ERCC6: variants seen among roughly 807,000 people sequenced by gnomAD.
ERCC6 encodes the protein DNA excision repair protein ERCC-6.
Under a neutral mutation model 158.7 loss-of-function variants are expected in ERCC6, and 116 were observed. The ratio of observed to expected loss-of-function variants is 0.73; its 90% confidence interval spans 0.63 to 0.85. ERCC6 has a LOEUF of 0.85. Among genes scored for constraint, ERCC6 ranks in the 40% least tolerant of loss-of-function variants. The pLI is 0.00. For missense variants in ERCC6, 1,698 were observed against 1,799.4 expected, an observed-to-expected ratio of 0.94 and a Z score of 1.02; for synonymous variants, 678 against 659.3, an observed-to-expected ratio of 1.03 and a Z score of -0.43.
chr10:49,481,301 C>T (rs1022689381), intron 10 of ERCC6, among the ~76,000 whole-genome samples: 2 of 151,936 alleles, frequency 1.3e-5, no homozygotes, highest in Non-Finnish European at 2.9e-5. Context: ...ATTCTTGCAA[C>T]TTTCTGTTAA....
At position 49,460,451 on chromosome 10, in the gene ERCC6, C is replaced by T; in HGVS notation, c.3984G>A (p.Lys1328=). ...AATTCCTTTTCTTACCAAATCTACT[C>T]CTAAAAAAGGAAAAGCATCACAGTA... The part of the protein sequence containing the change: ...RGISGAPAGK[K]SRFGKKRNSN... The change falls in exon 20 of 21, where the codon AAG becomes AAA. Residue 1328 remains lysine (K), a splice_region_variant and synonymous_variant. Transcript: ENST00000355832. The T allele has an allele frequency of 1.2e-6, 2 of 1,606,170 alleles. No individual in the cohort carries two copies. Among genetic ancestry groups the T allele is most frequent in the Non-Finnish European group, 1.7e-6 (2 of 1,172,886 alleles).
intron 18 of ERCC6, among the ~76,000 whole-genome samples, chr10:49,466,633 T>C (rs1850680037): frequency 6.6e-6 from 1 of 152,220 alleles, no homozygotes; most frequent in East Asian, 1.9e-4. Flanking sequence ...CACCGTCAAA[T>C]ACCCCATGCC....
chr10:49,477,139 C>A (rs193087857), intron 11 of ERCC6, among the ~76,000 whole-genome samples: 41 of 152,238 alleles, frequency 2.7e-4, no homozygotes, highest in Admixed American at 1.9e-3. Flanking sequence ...CCCAAGCCAC[C>A]CGCAACTCTG....
intron 7 of ERCC6, 136 bp downstream of exon 7, chr10:49,500,402 T>A: frequency 9.5e-7 from 1 of 1,048,684 alleles, no homozygotes; most frequent in African/African-American, 1.6e-5. Flanking sequence ...TCCTTTGATG[T>A]CCCCCACTAA....
chr10:49,448,066 G>T, the ERCC6 span, among the ~76,000 whole-genome samples: 4 of 152,164 alleles, frequency 2.6e-5, no homozygotes, highest in Non-Finnish European at 2.9e-5. Flanking sequence ...AAGTATAATT[G>T]TTGGATCATA....
intron 7 of ERCC6, among the ~76,000 whole-genome samples, chr10:49,496,337 T>C (rs1473892907): frequency 1.3e-5 from 2 of 152,198 alleles, no homozygotes; most frequent in African/African-American, 4.8e-5. Flanking sequence ...CTTCAAATGA[T>C]CTCAATGCCT....
chr10:49,488,620 T>G (rs978628585), intron 8 of ERCC6, among the ~76,000 whole-genome samples: 1 of 151,908 alleles, frequency 6.6e-6, no homozygotes, highest in African/African-American at 2.4e-5. Context: ...TTCAGATGCT[T>G]AAGGAATAAT....
chr10:49,516,157 T>G, intron 5 of ERCC6: 1 of 1,614,132 alleles, frequency 6.2e-7, no homozygotes. Flanking sequence ...TCATGTTTAG[T>G]ATTTGGGTTT....
intron 10 of ERCC6, among the ~76,000 whole-genome samples, chr10:49,479,482 G>A (rs1850939167): frequency 6.6e-6 from 1 of 151,230 alleles, no homozygotes; most frequent in African/African-American, 2.5e-5. Flanking sequence ...ACATAAAAAA[G>A]AAGCTCAACT....
the ERCC6 span, among the ~76,000 whole-genome samples, chr10:49,449,163 G>A: frequency 6.6e-6 from 1 of 152,106 alleles, no homozygotes; most frequent in Non-Finnish European, 1.5e-5. Flanking sequence ...TTTTATTTTA[G>A]CCAACTTAGT....
At chr10:49,485,714 A>C (rs1851065377) in intron 8 of ERCC6, among the ~76,000 whole-genome samples, 1 of 152,258 alleles carries the variant, frequency 6.6e-6, no homozygotes, top group African/African-American at 2.4e-5. Context: ...TTACTGAGTA[A>C]CAGTTGCTAC....
intron 15 of ERCC6, 135 bp from the exon 16 acceptor site, chr10:49,472,605 T>C: frequency 1.1e-6 from 1 of 891,866 alleles, no homozygotes; most frequent in East Asian, 2.5e-5. Context: ...CAAGTACACC[T>C]AAGGCCTACT....
rs145544509 is a variant in ERCC6, at chr10:49,536,335, C to A, written c.-15+2627G>T. 8.3e-3 allele frequency among the ~76,000 whole-genome samples: 1,263 copies of A among 152,084 alleles called. 22 individuals carry two copies. Among genetic ancestry groups the A allele is most frequent in the African/African-American group, 0.029 (1,187 of 41,470 alleles). On this transcript the variant is annotated intron_variant, in intron 1 of 20. Transcript: ENST00000355832. ...AGAACTAGGGCAAGAAAAACTAGAGCACGTAATGGCTGGAGGGAGACAGAG... is the reference window on the plus strand; with the variant it reads ...AGAACTAGGGCAAGAAAAACTAGAGAACGTAATGGCTGGAGGGAGACAGAG...
intron 5 of ERCC6, among the ~76,000 whole-genome samples, chr10:49,507,858 T>C (rs920102442): frequency 1.4e-4 from 22 of 152,156 alleles, no homozygotes; most frequent in Non-Finnish European, 2.2e-4. Context: ...ATGTCAATAA[T>C]GTCAAAGCCA....
intron 5 of ERCC6, among the ~76,000 whole-genome samples, chr10:49,506,767 T>C (rs1851450423): frequency 6.6e-6 from 1 of 151,986 alleles, no homozygotes; most frequent in Non-Finnish European, 1.5e-5. Flanking sequence ...AGACTAATTT[T>C]GCATTTACAT....
At chr10:49,537,214 C>T (rs371122072) in intron 1 of ERCC6, among the ~76,000 whole-genome samples, 3 of 151,870 alleles carry the variant, frequency 2.0e-5, no homozygotes, top group South Asian at 2.1e-4. Flanking sequence ...CATGGAGGCG[C>T]GCGCCTGTAA....
intron 18 of ERCC6, among the ~76,000 whole-genome samples, chr10:49,464,621 A>C (rs1421138014): frequency 6.6e-6 from 1 of 152,228 alleles, no homozygotes; most frequent in Non-Finnish European, 1.5e-5. Flanking sequence ...AAGTGGTTTC[A>C]CGGGCCTGGC....
chr10:49,476,216 TGCATCTC>T lies in ERCC6; in HGVS notation c.2374_2380del (p.Glu792ArgfsTer7). 1 of 1,606,824 alleles carries T rather than the reference TGCATCTC, an allele frequency of 6.2e-7. No homozygotes were observed. The highest frequency in any genetic ancestry group is 8.5e-7 in the Non-Finnish European group (1 of 1,173,384). On this transcript the variant is annotated frameshift_variant and splice_region_variant, in exon 12 of 21. Transcript: ENST00000355832. LOFTEE classifies it high-confidence loss of function. Reference sequence around the variant, plus strand: ...TCCAGCTTCTATTTTTTAGCTGACCTGCATCTCTCCATTGAGAATCCTGTAAACTTCT... The same window carrying T: ...TCCAGCTTCTATTTTTTAGCTGACCTTCCATTGAGAATCCTGTAAACTTCT...
intron 5 of ERCC6, among the ~76,000 whole-genome samples, chr10:49,507,864 A>C (rs930187867): frequency 2.0e-5 from 3 of 152,200 alleles, no homozygotes; most frequent in Non-Finnish European, 4.4e-5. Flanking sequence ...ATAATGTCAA[A>C]GCCAAGAAGC....
Sources: gnomAD v4.1 joint callset for allele counts (sites outside exome capture counted in the v4.1 genomes callset) on GRCh38, gnomAD v4.1.1 for gene constraint, MANE v1.5 for transcripts, NCBI Gene and HGNC (gene_info 2026-07-23, HGNC 2026-07-21) for gene names.